Variants in PTK2 observed in about 807,000 individuals in gnomAD.
PTK2 encodes protein tyrosine kinase 2.
Under a neutral mutation model 150.1 loss-of-function variants are expected in PTK2, and 45 were observed. The observed-to-expected ratio is 0.30, with a 90% CI of 0.24 to 0.38. The LOEUF is 0.38. Among genes scored for constraint, PTK2 ranks in the 10% least tolerant of loss-of-function variants. The probability of loss-of-function intolerance (pLI) is 1.00; values close to 1 mark genes in which losing one functional copy is unlikely to be tolerated. For synonymous variants in PTK2, 432 were observed against 449.2 expected (o/e 0.96, Z 0.48); for missense variants, 919 against 1,307.3 (o/e 0.70, Z 4.58).
intron 23 of PTK2, among the ~76,000 whole-genome samples, chr8:140,711,100 G>A (rs1019121604): frequency 2.0e-5 from 3 of 151,762 alleles, no homozygotes; most frequent in African/African-American, 7.3e-5. Context: ...ATCACACCCA[G>A]CTAATTTTTA....
At chr8:140,832,759 A>G (rs1320681767) in intron 7 of PTK2, 6 of 505,370 alleles carry the variant, frequency 1.2e-5, no homozygotes, top group Admixed American at 2.0e-5. Flanking sequence ...CGAGAACAGA[A>G]AGGTGGGTGG....
chr8:140,917,393 T>TGAGAG (rs1043044962), intron 2 of PTK2, among the ~76,000 whole-genome samples: 43 of 151,176 alleles, frequency 2.8e-4, no homozygotes, highest in East Asian at 1.2e-3. Flanking sequence ...GGAGGGCAGA[T>TGAGAG]GAGAGGAGAG....
intron 20 of PTK2, among the ~76,000 whole-genome samples, chr8:140,739,535 T>C (rs1201547006): frequency 1.3e-5 from 2 of 152,226 alleles, no homozygotes; most frequent in Non-Finnish European, 2.9e-5. Context: ...AGTTATGTTA[T>C]ATAAAGTTGT....
In PTK2 at chr8:140,692,326, T is replaced by C. The variant is rs148553108; in HGVS notation, c.2500-5632A>G. 9.2e-4 allele frequency among the ~76,000 whole-genome samples: 140 copies of C among 152,272 alleles called. 1 individual carries two copies. The highest frequency in any genetic ancestry group is 3.2e-3 in the African/African-American group (132 of 41,554). ...GCCAAAGACAGCCAATCAGAAAGAA[T>C]AGATTCTCAGCCAGGTGCAGTGGCT... is the stretch of plus-strand genomic sequence containing the variant. On this transcript the variant is annotated intron_variant, in intron 26 of 31. Transcript: ENST00000522684.
chr8:140,837,481 C>A (rs1031101741), intron 7 of PTK2, among the ~76,000 whole-genome samples: 3 of 151,950 alleles, frequency 2.0e-5, no homozygotes, highest in Admixed American at 6.5e-5. Flanking sequence ...GTAATCCCAG[C>A]ACTTTGGGAG....
chr8:140,930,232 TG>T (rs2100171214), intron 1 of PTK2, among the ~76,000 whole-genome samples: 2 of 152,216 alleles, frequency 1.3e-5, no homozygotes, highest in African/African-American at 4.8e-5. Flanking sequence ...TTTTAAATGT[TG>T]TGTCTGAAAA....
exon 32 of PTK2, chr8:140,658,256 A>G (rs2075128537): frequency 6.3e-6 from 1 of 159,798 alleles, no homozygotes; most frequent in Non-Finnish European, 1.4e-5. Flanking sequence ...ACTTGTTTAG[A>G]AGATTAAATA....
At chr8:140,748,486 G>A (rs1368463374) in intron 17 of PTK2, among the ~76,000 whole-genome samples, 1 of 122,080 alleles carries the variant, frequency 8.2e-6, no homozygotes, top group Non-Finnish European at 1.6e-5. Flanking sequence ...GACAGACTGA[G>A]ACTCTGTCTC....
intron 31 of PTK2, among the ~76,000 whole-genome samples, chr8:140,664,715 GC>G (rs1352649260): frequency 1.3e-5 from 2 of 152,170 alleles, no homozygotes; most frequent in East Asian, 3.9e-4. Context: ...AGTGGCCACT[GC>G]TCCACACCAC....
intron 22 of PTK2, among the ~76,000 whole-genome samples, chr8:140,730,967 T>C (rs1184732168): frequency 4.0e-5 from 5 of 123,700 alleles, no homozygotes; most frequent in South Asian, 3.3e-4. Flanking sequence ...CCCCCCCCCT[T>C]TTTTTTTTGA....
rs73369988 is a variant in PTK2, at chr8:140,763,080, A to G, written c.1234+1154T>C. On this transcript the variant is annotated intron_variant, in intron 15 of 31. Transcript: ENST00000522684. Reference sequence around the variant, plus strand: ...TACAGATGTGCGCCACCATGCCAAAAAGTTAAACCTAAGTTTAAACATTTT... The same window carrying G: ...TACAGATGTGCGCCACCATGCCAAAGAGTTAAACCTAAGTTTAAACATTTT... Among the ~76,000 whole-genome samples the G allele has an allele frequency of 3.1e-3, 478 of 152,340 alleles. 4 individuals are homozygous for G. Among genetic ancestry groups the G allele is most frequent in the Middle Eastern group, 0.02 (6 of 294 alleles).
intron 1 of PTK2, among the ~76,000 whole-genome samples, chr8:140,994,757 T>G (rs1284423872): frequency 2.6e-5 from 4 of 152,164 alleles, no homozygotes; most frequent in Non-Finnish European, 5.9e-5. Flanking sequence ...ACTGGGCCCC[T>G]GTCTCTTCTG....
At chr8:140,792,524 T>C (rs1402270860) in intron 13 of PTK2, among the ~76,000 whole-genome samples, 1 of 152,218 alleles carries the variant, frequency 6.6e-6, no homozygotes, top group Non-Finnish European at 1.5e-5. Context: ...ACATCATAGC[T>C]GAGTCCTGTG....
Position 140,846,296 on chromosome 8 carries a change from T to C in PTK2, c.557A>G (p.Asn186Ser), listed in dbSNP as rs573313509. 9.9e-6 allele frequency: 16 copies of C among 1,612,576 alleles called. No individual in the cohort carries two copies. In the South Asian group the frequency reaches 1.4e-4, roughly 14 times the overall value. ...ATAGTTAGACTTCTTTTCTAGTGCA[T>C]TGCCCCGCATCTCCCAGTATGATCG... The change falls in exon 7 of 32, where the codon AAT becomes AGT. Residue 186 changes from asparagine to serine, a missense_variant. By Grantham distance (46) the Asn-to-Ser change is conservative (BLOSUM62 1). Transcript: ENST00000522684.
intron 14 of PTK2, among the ~76,000 whole-genome samples, chr8:140,771,778 C>CT (rs2100075632): frequency 1.4e-5 from 2 of 146,254 alleles, no homozygotes; most frequent in Non-Finnish European, 1.5e-5. Flanking sequence ...ATCCTATTAA[C>CT]ATTTTTTTTT....
intron 20 of PTK2, among the ~76,000 whole-genome samples, chr8:140,739,605 T>C (rs1240471379): frequency 2.6e-5 from 4 of 152,214 alleles, no homozygotes; most frequent in African/African-American, 7.2e-5. Flanking sequence ...GTATCTCACA[T>C]AGATTACAAT....
chr8:140,922,928 G>C (rs570078074), intron 2 of PTK2, among the ~76,000 whole-genome samples: 10 of 152,260 alleles, frequency 6.6e-5, no homozygotes, highest in African/African-American at 2.4e-4. Flanking sequence ...AGGAGAGAGA[G>C]TGGTGTAAGC....
At chr8:140,757,696 G>C (rs113044288) in intron 16 of PTK2, among the ~76,000 whole-genome samples, 23 of 152,258 alleles carry the variant, frequency 1.5e-4, no homozygotes, top group African/African-American at 4.6e-4. Context: ...CTCTGTTATT[G>C]TAACTTTATT....
At chr8:140,779,245 GAAAAAAAA>G (rs140826832) in intron 14 of PTK2, among the ~76,000 whole-genome samples, 7 of 112,078 alleles carry the variant, frequency 6.2e-5, no homozygotes, top group Admixed American at 1.9e-4. Context: ...CTGGGCGATG[GAAAAAAAA>G]AAAAAAGAAA....
Sources: gnomAD v4.1 joint callset for allele counts (sites outside exome capture counted in the v4.1 genomes callset) on GRCh38, gnomAD v4.1.1 for gene constraint, MANE v1.5 for transcripts, NCBI Gene and HGNC (gene_info 2026-07-23, HGNC 2026-07-21) for gene names.